The following SMC3 variants were observed in gnomAD, a reference collection of about 807,000 sequenced individuals.
SMC3 encodes the protein structural maintenance of chromosomes 3.
A neutral mutation model predicts 171.8 loss-of-function variants in SMC3; 20 were observed. The ratio of observed to expected loss-of-function variants is 0.12; its 90% CI spans 0.08 to 0.17. The LOEUF (loss-of-function observed/expected upper bound fraction) is 0.17. Among genes scored for constraint, SMC3 ranks in the 10% least tolerant of loss-of-function variants. The pLI, the probability that SMC3 is intolerant of heterozygous loss-of-function variation, is 1.00. For synonymous variants in SMC3, 464 were observed against 451.1 expected (o/e 1.03, Z -0.36); for missense variants, 543 against 1,420.4 (o/e 0.38, Z 9.93).
chr10:110,595,733 G>A (rs946735083), intron 18 of SMC3, among the ~76,000 whole-genome samples: 1 of 94,696 alleles, frequency 1.1e-5, no homozygotes, highest in Non-Finnish European at 2.3e-5. Flanking sequence ...AAGTATCACT[G>A]TGATTCATGA....
At position 110,582,506 on chromosome 10, in the gene SMC3, G is replaced by A. The variant is rs1438069929; in HGVS notation, c.724-56G>A. The A allele has an allele frequency of 6.5e-6, 8 of 1,225,604 alleles. No individual in the cohort carries two copies. In the Admixed American group the frequency reaches 1.5e-4, roughly 24 times the overall value. 75.9% of individuals were successfully genotyped at this position (1,225,604 alleles called of 1,614,324 possible). A position where few individuals can be genotyped will look rare whatever the true frequency, so the allele number is the denominator to read the frequency against. On this transcript the variant is annotated intron_variant, in intron 9 of 28. Transcript: ENST00000361804. ...TAGAAAAATTTTTATTAGATGTTAT[G>A]AAATATTTAGTAATTACAAAATGAG... is the stretch of plus-strand genomic sequence containing the variant.
intron 13 of SMC3, among the ~76,000 whole-genome samples, chr10:110,585,090 G>A (rs1861088793): frequency 6.6e-6 from 1 of 151,642 alleles, no homozygotes; most frequent in South Asian, 2.1e-4. Flanking sequence ...TCGGCTCACT[G>A]CAACCTCAGC....
chr10:110,599,869 G>A, intron 21 of SMC3, 57 bp downstream of exon 21: 1 of 1,513,086 alleles, frequency 6.6e-7, no homozygotes. Flanking sequence ...TTGTGAAAAG[G>A]GCCTTTCTTG....
chr10:110,572,287 A>G (rs1246219719), intron 2 of SMC3, among the ~76,000 whole-genome samples: 2 of 152,206 alleles, frequency 1.3e-5, no homozygotes, highest in Non-Finnish European at 2.9e-5. Context: ...ACAATTTACA[A>G]CTTAAGTAAA....
chr10:110,581,196 A>G (rs1156810328), intron 8 of SMC3, among the ~76,000 whole-genome samples, 175 bp downstream of exon 8: 2 of 148,408 alleles, frequency 1.3e-5, no homozygotes, highest in African/African-American at 2.5e-5. Flanking sequence ...TTTTAAAAAT[A>G]TTGTGGAAAC....
intron 18 of SMC3, among the ~76,000 whole-genome samples, chr10:110,593,559 G>T (rs563805023): frequency 6.7e-6 from 1 of 149,442 alleles, no homozygotes; most frequent in Non-Finnish European, 1.5e-5. Context: ...GTGACAGAGC[G>T]AGACTCTGTC....
At chr10:110,591,908 A>G (rs891038488) in intron 17 of SMC3, among the ~76,000 whole-genome samples, 4 of 152,194 alleles carry the variant, frequency 2.6e-5, no homozygotes, top group African/African-American at 7.2e-5. Context: ...AACATGATGT[A>G]TGAATGGAAC....
rs1861067924 is a variant in SMC3, at chr10:110,583,836, T to C, written c.970-5T>C. On this transcript the variant is annotated splice_region_variant and splice_polypyrimidine_tract_variant and intron_variant, in intron 11 of 28. Coordinates refer to ENST00000361804, the MANE Select transcript of SMC3 (RefSeq NM_005445.4). The stretch of plus-strand genomic sequence containing the variant: ...AAGCAGTTTGCATTTTTACTTTGTT[T>C]ACAGAAACGTTTATTAAAAGAGAGG... The C allele has an allele frequency of 6.2e-7, 1 of 1,612,572 alleles. No individual in the cohort carries two copies.
At chr10:110,581,562 A>G (rs192000141) in intron 8 of SMC3, among the ~76,000 whole-genome samples, 205 of 152,264 alleles carry the variant, frequency 1.3e-3, no homozygotes, top group Non-Finnish European at 1.3e-3. Flanking sequence ...GGCCCTTACT[A>G]CATGTTATAA....
chr10:110,599,740 G>A lies in SMC3; in HGVS notation c.2355G>A (p.Leu785=). Residue 785 remains leucine (L), a synonymous_variant, in exon 21 of 29, where the codon TTG becomes TTA. Transcript: ENST00000361804. ...TGAAAGCAGAACTGGGAACTGATTT[G>A]CTTTCTCAACTGAGTTTGGAAGATC... ...ESLKAELGTD[L]LSQLSLEDQK... 1.2e-6 allele frequency: 2 copies of A among 1,614,126 alleles called. No homozygotes were observed. Among genetic ancestry groups the A allele is most frequent in the Non-Finnish European group, 1.7e-6 (2 of 1,180,004 alleles).
At chr10:110,575,302 T>A (rs747242466) in intron 3 of SMC3, 34 bp from the exon 4 acceptor site, 1 of 1,540,094 alleles carries the variant, frequency 6.5e-7, no homozygotes, top group Non-Finnish European at 9.0e-7. Context: ...AACACTTTTT[T>A]AGGGTATACT....
chr10:110,568,727 C>G (rs1860822039), intron 1 of SMC3, among the ~76,000 whole-genome samples: 1 of 151,812 alleles, frequency 6.6e-6, no homozygotes, highest in Non-Finnish European at 1.5e-5. Context: ...AAAATAAAAC[C>G]CAGCAGCATT....
intron 8 of SMC3, 41 bp from the exon 9 acceptor site, chr10:110,581,882 T>G (rs908562081): frequency 1.8e-5 from 27 of 1,503,798 alleles, no homozygotes; most frequent in Non-Finnish European, 2.2e-5. Context: ...TACATAAAAA[T>G]CTTATTCAAT....
chr10:110,590,135 A>G (rs1861182979), intron 15 of SMC3, 144 bp downstream of exon 15: 2 of 741,082 alleles, frequency 2.7e-6, no homozygotes, highest in South Asian at 1.7e-5. Flanking sequence ...ATGAAATGAT[A>G]GAGATTAAAT....
intron 6 of SMC3, 44 bp downstream of exon 6, chr10:110,577,958 A>G (rs774833698): frequency 3.9e-6 from 5 of 1,291,186 alleles, no homozygotes; most frequent in Non-Finnish European, 1.1e-6. Flanking sequence ...TATGTACTTA[A>G]ATAGAGATGG....
chr10:110,596,215 C>T, intron 18 of SMC3, among the ~76,000 whole-genome samples, 183 bp from the exon 19 acceptor site: 1 of 91,866 alleles, frequency 1.1e-5, no homozygotes, highest in Admixed American at 1.2e-4. Context: ...AGAGCAAGAC[C>T]CTGTCTCAAA....
intron 5 of SMC3, 37 bp downstream of exon 5, chr10:110,577,529 T>G (rs1212087632): frequency 4.3e-6 from 6 of 1,405,616 alleles, no homozygotes; most frequent in Non-Finnish European, 5.0e-6. Context: ...GTTGAGAATT[T>G]AATTGGTTTA....
intron 18 of SMC3, among the ~76,000 whole-genome samples, chr10:110,595,917 CTTTTTTT>C (rs10639343): frequency 3.4e-4 from 35 of 101,608 alleles, no homozygotes; most frequent in Non-Finnish European, 4.2e-4. Flanking sequence ...ACTGGAGGTT[CTTTTTTT>C]TTTTTTTTTT....
rs1204165949 is a variant in SMC3, at chr10:110,590,503, G to A, written c.1601G>A (p.Gly534Asp). Reference sequence around the variant, plus strand: ...CAGCATGTTCAAAATGGCTATCATGGTATTGTAATGAATAACTTTGAATGT... The same window carrying A: ...CAGCATGTTCAAAATGGCTATCATGATATTGTAATGAATAACTTTGAATGT... ...INQHVQNGYH[G>D]IVMNNFECEP... Residue 534 changes from glycine to aspartate, a missense_variant, in exon 16 of 29, where the codon GGT becomes GAT. Physicochemically the swap from Gly to Asp is moderately conservative, Grantham distance 94 (BLOSUM62 -1). Coordinates refer to ENST00000361804, the MANE Select transcript of SMC3 (RefSeq NM_005445.4). 6.2e-7 allele frequency: 1 copy of A among 1,613,854 alleles called. No individual in the cohort carries two copies. The highest frequency in any genetic ancestry group is 8.5e-7 in the Non-Finnish European group (1 of 1,179,854).
Sources: gnomAD v4.1 joint callset for allele counts (sites outside exome capture counted in the v4.1 genomes callset) on GRCh38, gnomAD v4.1.1 for gene constraint, MANE v1.5 for transcripts, NCBI Gene and HGNC (gene_info 2026-07-23, HGNC 2026-07-21) for gene names.